The following RIMS1 variants were observed in gnomAD, a reference collection of about 807,000 sequenced individuals.
RIMS1 encodes the protein regulating synaptic membrane exocytosis protein 1.
In RIMS1, 83 loss-of-function variants were observed where a neutral mutation model predicts 214.1. That is an observed-to-expected ratio of 0.39 (90% CI 0.32 to 0.47). The LOEUF (loss-of-function observed/expected upper bound fraction) is 0.47. Ranked by LOEUF, RIMS1 falls within the 20% of genes least tolerant of loss-of-function variation. The probability of loss-of-function intolerance (pLI) is 0.99; values close to 1 mark genes in which losing one functional copy is unlikely to be tolerated. For missense variants in RIMS1, 2,050 were observed against 2,161.8 expected, an observed-to-expected ratio of 0.95 and a Z score of 1.03; for synonymous variants, 793 against 786.8, an observed-to-expected ratio of 1.01 and a Z score of -0.13.
chr6:71,951,613 C>T (rs1461030134), intron 1 of RIMS1, among the ~76,000 whole-genome samples: 3 of 151,042 alleles, frequency 2.0e-5, no homozygotes, highest in Admixed American at 6.6e-5. Flanking sequence ...GCCTCAGCCT[C>T]CTAAGTAGCT....
chr6:72,181,871 T>C (rs532836529), intron 5 of RIMS1, among the ~76,000 whole-genome samples: 21 of 152,212 alleles, frequency 1.4e-4, no homozygotes, highest in Non-Finnish European at 2.8e-4. Context: ...TCAGAGACAC[T>C]GGAGAACTCC....
In RIMS1 at chr6:72,196,580, C is replaced by CTTTTTTTTTATTTTTT. The variant is rs756789206; in HGVS notation, c.1678+13440_1678+13441insATTTTTTTTTTTTTTT. ...AGTACTGTGCTGGCAGCCAGCTGCA[C>CTTTTTTTTTATTTTTT]TTTTTTTTTTTTTTTTTTTTTTTAC... is the stretch of plus-strand genomic sequence containing the variant. On this transcript the variant is annotated intron_variant, in intron 6 of 33. Coordinates refer to ENST00000521978, the MANE Select transcript of RIMS1 (RefSeq NM_014989.7). Among the ~76,000 whole-genome samples, 25 of 57,210 alleles carry CTTTTTTTTTATTTTTT rather than the reference C, an allele frequency of 4.4e-4. 5 individuals carry two copies. The highest frequency in any genetic ancestry group is 1.9e-3 in the African/African-American group (24 of 12,672). 37.5% of individuals were successfully genotyped at this position (57,210 alleles called of 152,430 possible).
At chr6:72,271,284 AAAAT>A (rs1222889074) in intron 22 of RIMS1, among the ~76,000 whole-genome samples, 6 of 23,936 alleles carry the variant, frequency 2.5e-4, no homozygotes, top group African/African-American at 2.8e-4. Context: ...AAAAAAAAAA[AAAAT>A]ATATATATAT....
chr6:72,006,246 T>G (rs1478746442), intron 2 of RIMS1, among the ~76,000 whole-genome samples: 1 of 152,178 alleles, frequency 6.6e-6, no homozygotes, highest in Admixed American at 6.5e-5. Flanking sequence ...TTTCAACATA[T>G]GAATGTTGCA....
chr6:71,895,227 T>C (rs533894154), intron 1 of RIMS1, among the ~76,000 whole-genome samples: 1 of 152,366 alleles, frequency 6.6e-6, no homozygotes, highest in South Asian at 2.1e-4. Context: ...TACCTACATA[T>C]GGCTTTCTGT....
intron 28 of RIMS1, among the ~76,000 whole-genome samples, chr6:72,326,975 G>C (rs1196252915): frequency 1.3e-5 from 2 of 151,670 alleles, no homozygotes; most frequent in Non-Finnish European, 2.9e-5. Context: ...GACAGAGGAA[G>C]GGGCCATCAG....
intron 4 of RIMS1, among the ~76,000 whole-genome samples, chr6:72,119,159 T>C (rs2037694507): frequency 6.6e-6 from 1 of 151,698 alleles, no homozygotes; most frequent in Non-Finnish European, 1.5e-5. Context: ...CACAAATCAG[T>C]GACACTGCTA....
At chr6:71,952,590 G>A (rs752202905) in intron 1 of RIMS1, among the ~76,000 whole-genome samples, 4 of 152,186 alleles carry the variant, frequency 2.6e-5, no homozygotes, top group Non-Finnish European at 4.4e-5. Flanking sequence ...TTCCTACTGC[G>A]AAACACCAGG....
At chr6:72,337,360 G>C (rs1032054586) in intron 29 of RIMS1, among the ~76,000 whole-genome samples, 2 of 151,634 alleles carry the variant, frequency 1.3e-5, no homozygotes, top group African/African-American at 4.8e-5. Context: ...CTACAAATCT[G>C]TGCAAAGTCA....
At chr6:72,235,100 A>G (rs2063497458) in intron 7 of RIMS1, among the ~76,000 whole-genome samples, 1 of 152,032 alleles carries the variant, frequency 6.6e-6, no homozygotes, top group Non-Finnish European at 1.5e-5. Context: ...ATAATTGTAC[A>G]TATTTATGCA....
chr6:72,109,723 A>G (rs1410537629), intron 4 of RIMS1, among the ~76,000 whole-genome samples: 1 of 152,082 alleles, frequency 6.6e-6, no homozygotes, highest in East Asian at 1.9e-4. Context: ...CCATTTGTCA[A>G]TTTTGGCTTT....
At chr6:72,381,329 C>G (rs185872821) in intron 29 of RIMS1, among the ~76,000 whole-genome samples, 3 of 152,270 alleles carry the variant, frequency 2.0e-5, no homozygotes, top group African/African-American at 7.2e-5. Context: ...GCCTTTTCTA[C>G]AACTACAGTC....
intron 27 of RIMS1, among the ~76,000 whole-genome samples, chr6:72,309,124 G>T (rs1713272871): frequency 1.3e-5 from 2 of 152,026 alleles, no homozygotes; most frequent in South Asian, 2.1e-4. Flanking sequence ...CAAGAAAGAG[G>T]CGAGTAAAGA....
At chr6:71,909,234 T>C (rs528621730) in intron 1 of RIMS1, among the ~76,000 whole-genome samples, 14 of 152,158 alleles carry the variant, frequency 9.2e-5, no homozygotes, top group Non-Finnish European at 1.5e-4. Flanking sequence ...TGACCTCAAG[T>C]AATCCACCTG....
intron 29 of RIMS1, among the ~76,000 whole-genome samples, chr6:72,343,780 C>T (rs2097176056): frequency 6.6e-6 from 1 of 151,494 alleles, no homozygotes; most frequent in African/African-American, 2.4e-5. Context: ...CAAGATTATA[C>T]AGGCAATAAT....
chr6:72,187,680 G>A (rs943428319), intron 6 of RIMS1, among the ~76,000 whole-genome samples: 1 of 151,940 alleles, frequency 6.6e-6, no homozygotes, highest in Non-Finnish European at 1.5e-5. Flanking sequence ...TTTTAGTAGA[G>A]ACAGGATTTC....
intron 28 of RIMS1, among the ~76,000 whole-genome samples, chr6:72,314,805 A>G (rs1307043653): frequency 6.6e-6 from 1 of 152,152 alleles, no homozygotes; most frequent in Non-Finnish European, 1.5e-5. Flanking sequence ...ATTACCAAAG[A>G]ATGTAATAAA....
At chr6:72,006,050 GC>G (rs1393462937) in intron 2 of RIMS1, among the ~76,000 whole-genome samples, 1 of 152,130 alleles carries the variant, frequency 6.6e-6, no homozygotes, top group Non-Finnish European at 1.5e-5. Flanking sequence ...GGAAGTGGGG[GC>G]TTGCTTCCTG....
At chr6:72,003,738 C>T (rs1382256525) in intron 2 of RIMS1, among the ~76,000 whole-genome samples, 1 of 151,916 alleles carries the variant, frequency 6.6e-6, no homozygotes, top group Admixed American at 6.6e-5. Flanking sequence ...GGTCAAGTCA[C>T]CTACTGAATA....
Sources: allele counts gnomAD v4.1 joint callset (sites outside exome capture counted in the v4.1 genomes callset), GRCh38; gene constraint gnomAD v4.1.1; transcripts MANE v1.5; gene names NCBI Gene and HGNC (gene_info 2026-07-23, HGNC 2026-07-21).